The following CASK variants were observed in gnomAD, a reference collection of about 807,000 sequenced individuals.
The protein encoded by CASK is peripheral plasma membrane protein CASK.
A neutral mutation model predicts 82.9 loss-of-function variants in CASK; 4 were observed. The observed-to-expected ratio is 0.05, with a 90% CI of 0.02 to 0.11. The LOEUF (loss-of-function observed/expected upper bound fraction) is 0.11, where lower values mean the gene tolerates loss of function less well. CASK is among the 10% of genes least tolerant of loss of function. The pLI is 1.00. For missense variants in CASK, 358 were observed against 720.9 expected (o/e 0.50, Z 5.76); for synonymous variants, 259 against 253.5 (o/e 1.02, Z -0.20).
intron 1 of CASK, among the ~76,000 whole-genome samples, chrX:41,922,241 A>G (rs1437271094): frequency 8.9e-6 from 1 of 111,898 alleles, no homozygotes; most frequent in African/African-American, 3.3e-5. Context: ...TGTCAGTTCT[A>G]TATTCTAGAC....
intron 1 of CASK, among the ~76,000 whole-genome samples, chrX:41,909,689 A>G (rs1601965555): frequency 2.7e-5 from 3 of 109,873 alleles, no homozygotes; most frequent in Admixed American, 1.9e-4. Context: ...ACTGCAAACT[A>G]TGCCTCCCGG....
intron 25 of CASK, 65 bp from the exon 26 acceptor site, chrX:41,524,099 T>C: frequency 1.2e-6 from 1 of 833,824 alleles, no homozygotes; most frequent in Non-Finnish European, 1.7e-6. Flanking sequence ...AACTTTCAAA[T>C]GAGTCTATAA....
intron 5 of CASK, among the ~76,000 whole-genome samples, chrX:41,705,559 A>T (rs2147614392): frequency 9.0e-6 from 1 of 110,604 alleles, no homozygotes; most frequent in African/African-American, 3.3e-5. Flanking sequence ...AAAAAAAAAA[A>T]TTAGAAGAGA....
intron 3 of CASK, among the ~76,000 whole-genome samples, chrX:41,779,151 CTGTT>C (rs1308634800): frequency 8.9e-6 from 1 of 112,176 alleles, no homozygotes; most frequent in Non-Finnish European, 1.9e-5. Context: ...TGTGTCTAAA[CTGTT>C]TGTGCTAACA....
chrX:41,672,345 T>C (rs757136856), intron 5 of CASK, among the ~76,000 whole-genome samples: 16 of 110,865 alleles, frequency 1.4e-4, no homozygotes, highest in Non-Finnish European at 2.5e-4. Flanking sequence ...TACTGGGACC[T>C]AGTTGGGGCT....
At chrX:41,579,492 TA>T (rs1233475389) in intron 14 of CASK, among the ~76,000 whole-genome samples, 1 of 111,901 alleles carries the variant, frequency 8.9e-6, no homozygotes, top group Non-Finnish European at 1.9e-5. Context: ...CTTGTTTCCC[TA>T]AAAAAGAATG....
intron 19 of CASK, 56 bp downstream of exon 19, chrX:41,556,976 G>T: frequency 1.1e-6 from 1 of 911,064 alleles, no homozygotes; most frequent in Non-Finnish European, 1.6e-6. Flanking sequence ...AACACTCATG[G>T]CAGGTGAGCA....
intron 5 of CASK, chrX:41,697,727 A>C (rs762063461): frequency 9.8e-5 from 11 of 111,832 alleles, no homozygotes; most frequent in East Asian, 2.8e-4. Context: ...AGTAAAAAAA[A>C]CCCCACAAAA....
intron 22 of CASK, among the ~76,000 whole-genome samples, chrX:41,541,770 C>A (rs2064949098): frequency 8.9e-6 from 1 of 112,081 alleles, no homozygotes; most frequent in Non-Finnish European, 1.9e-5. Flanking sequence ...ACTAGATTCA[C>A]TTGATTTTTT....
intron 5 of CASK, chrX:41,676,431 T>G (rs1261421306): frequency 2.1e-5 from 25 of 1,196,190 alleles, no homozygotes; most frequent in Non-Finnish European, 2.7e-5. Flanking sequence ...CAGGCTGCCA[T>G]GTCATCATAT....
chrX:41,876,388 C>G (rs1432565382), intron 1 of CASK, among the ~76,000 whole-genome samples: 1 of 111,466 alleles, frequency 9.0e-6, no homozygotes, highest in Non-Finnish European at 1.9e-5. Context: ...AATTCCAGAT[C>G]CAAAGTCCAT....
chrX:41,839,597 G>A (rs1051594990), intron 2 of CASK, among the ~76,000 whole-genome samples: 2 of 108,495 alleles, frequency 1.8e-5, no homozygotes, highest in African/African-American at 6.7e-5. Context: ...AGCAAACAGG[G>A]ACAGTTTCAT....
intron 2 of CASK, among the ~76,000 whole-genome samples, chrX:41,829,710 T>G (rs1250801661): frequency 2.2e-4 from 3 of 13,637 alleles, no homozygotes; most frequent in South Asian, 9.1e-3. Context: ...TATATATATA[T>G]ATATATATAT....
intron 16 of CASK, among the ~76,000 whole-genome samples, chrX:41,568,539 C>T (rs972462731): frequency 9.0e-6 from 1 of 111,043 alleles, no homozygotes; most frequent in African/African-American, 3.3e-5. Context: ...GTGTTAAGTA[C>T]AAAAATAACC....
At chrX:41,873,947 C>T (rs937952875) in intron 1 of CASK, among the ~76,000 whole-genome samples, 1 of 109,348 alleles carries the variant, frequency 9.1e-6, no homozygotes, top group African/African-American at 3.3e-5. Context: ...CACACCACCA[C>T]GCCCAGCTAA....
intron 5 of CASK, among the ~76,000 whole-genome samples, chrX:41,680,259 G>A (rs910632425): frequency 8.3e-5 from 9 of 108,771 alleles, no homozygotes; most frequent in East Asian, 2.9e-4. Context: ...CGAGGTGGGC[G>A]GATCAAGAGG....
intron 21 of CASK, among the ~76,000 whole-genome samples, chrX:41,543,941 A>G (rs1300752598): frequency 8.9e-6 from 1 of 111,913 alleles, no homozygotes; most frequent in Non-Finnish European, 1.9e-5. Flanking sequence ...TTTAATTTAC[A>G]TTTTAGTTTA....
At chrX:41,904,964 T>C in intron 1 of CASK, among the ~76,000 whole-genome samples, 1 of 112,390 alleles carries the variant, frequency 8.9e-6, no homozygotes, top group East Asian at 2.8e-4. Context: ...AGTATATATG[T>C]ACCACATTTT....
At chrX:41,776,995 G>T (rs889374943) in intron 3 of CASK, among the ~76,000 whole-genome samples, 1 of 111,832 alleles carries the variant, frequency 8.9e-6, no homozygotes, top group African/African-American at 3.2e-5. Context: ...AAACATGGCT[G>T]AAGAACAACG....
Sources: allele counts gnomAD v4.1 joint callset (sites outside exome capture counted in the v4.1 genomes callset), GRCh38; gene constraint gnomAD v4.1.1; transcripts MANE v1.5; gene names NCBI Gene and HGNC (gene_info 2026-07-23, HGNC 2026-07-21).